Variants in SEMA3D observed in about 807,000 individuals in gnomAD.
The protein encoded by SEMA3D is semaphorin 3D.
In SEMA3D, 84 loss-of-function variants were observed where a neutral mutation model predicts 100.1. That is an observed-to-expected ratio of 0.84 (90% CI 0.70 to 1.01). The LOEUF (loss-of-function observed/expected upper bound fraction) is 1.01, where lower values mean the gene tolerates loss of function less well. SEMA3D is among the 50% of genes least tolerant of loss of function. The pLI, the probability that SEMA3D is intolerant of heterozygous loss-of-function variation, is 0.00. For missense variants in SEMA3D, 875 were observed against 934.1 expected (o/e 0.94, Z 0.82); for synonymous variants, 312 against 320.7 (o/e 0.97, Z 0.29).
intron 9 of SEMA3D, among the ~76,000 whole-genome samples, chr7:85,049,949 T>G (rs1270533961): frequency 6.6e-6 from 1 of 151,782 alleles, no homozygotes; most frequent in Non-Finnish European, 1.5e-5. Flanking sequence ...TGGGCAGCTC[T>G]TCCAAAAATG....
At chr7:85,030,683 C>T (rs573172916) in intron 12 of SEMA3D, among the ~76,000 whole-genome samples, 13 of 152,064 alleles carry the variant, frequency 8.5e-5, no homozygotes, top group Non-Finnish European at 1.8e-4. Flanking sequence ...TACACTTATG[C>T]ATAAATCTTA....
chr7:85,068,094 A>G, intron 7 of SEMA3D, 97 bp downstream of exon 7: 1 of 735,608 alleles, frequency 1.4e-6, no homozygotes. Flanking sequence ...AAGATTAGTA[A>G]AAAATTACCT....
chr7:85,140,246 T>C, intron 2 of SEMA3D: 2 of 809,486 alleles, frequency 2.5e-6, no homozygotes, highest in Non-Finnish European at 1.5e-6. Flanking sequence ...TAATAATTCA[T>C]TTATTAAATA....
At chr7:85,132,624 C>T (rs141502565) in intron 2 of SEMA3D, among the ~76,000 whole-genome samples, 19 of 151,858 alleles carry the variant, frequency 1.3e-4, no homozygotes, top group East Asian at 3.9e-4. Context: ...CTAGCATGAA[C>T]ATTACTGTCC....
At chr7:85,031,654 T>C (rs1348121661) in intron 12 of SEMA3D, among the ~76,000 whole-genome samples, 1 of 151,944 alleles carries the variant, frequency 6.6e-6, no homozygotes, top group Non-Finnish European at 1.5e-5. Flanking sequence ...TGTGAGAGCA[T>C]GAACATATGT....
chr7:85,101,574 G>T (rs190942543), intron 3 of SEMA3D, among the ~76,000 whole-genome samples: 1 of 151,934 alleles, frequency 6.6e-6, no homozygotes, highest in Non-Finnish European at 1.5e-5. Context: ...AGCCATGTTG[G>T]TGTGAGGAAT....
Position 85,003,324 on chromosome 7 carries a change from A to G in SEMA3D, c.1909-3459T>C, listed in dbSNP as rs111526589. On this transcript the variant is annotated intron_variant, in intron 18 of 18. Coordinates refer to ENST00000284136, the MANE Select transcript of SEMA3D (RefSeq NM_001384900.1). ...ACTTACTAAAGGGGATGCTGGAGCA[A>G]TGAGCTCGTTATTAAAAAGAAAAAA... Among the ~76,000 whole-genome samples the G allele has an allele frequency of 7.4e-3, 1,134 of 152,224 alleles. 12 individuals carry two copies. The highest frequency in any genetic ancestry group is 0.026 in the African/African-American group (1,079 of 41,586).
At chr7:85,008,135 G>C (rs1359164144) in intron 17 of SEMA3D, among the ~76,000 whole-genome samples, 4 of 151,706 alleles carry the variant, frequency 2.6e-5, no homozygotes, top group Non-Finnish European at 4.4e-5. Flanking sequence ...TGCCAGTCAT[G>C]GAAAAGAAAG....
chr7:85,033,024 A>C (rs1790588079), intron 12 of SEMA3D, among the ~76,000 whole-genome samples: 1 of 152,118 alleles, frequency 6.6e-6, no homozygotes, highest in Admixed American at 6.6e-5. Flanking sequence ...AAATTGTATG[A>C]TAAATATTAA....
chr7:85,223,005 T>C, the SEMA3D span, among the ~76,000 whole-genome samples: 1 of 151,986 alleles, frequency 6.6e-6, no homozygotes, highest in Non-Finnish European at 1.5e-5. Context: ...CATGAATAGA[T>C]GATTCCCAAA....
intron 2 of SEMA3D, among the ~76,000 whole-genome samples, chr7:85,150,113 T>C (rs2116487268): frequency 6.6e-6 from 1 of 152,058 alleles, no homozygotes; most frequent in South Asian, 2.1e-4. Context: ...TAGTAAGTAA[T>C]TCATATGTAA....
intron 18 of SEMA3D, among the ~76,000 whole-genome samples, chr7:85,004,401 A>C (rs966549524): frequency 5.3e-5 from 8 of 152,120 alleles, no homozygotes; most frequent in African/African-American, 1.7e-4. Flanking sequence ...CACAGAGAAA[A>C]TATAGTATGG....
At chr7:85,170,958 A>G (rs962009036) in intron 1 of SEMA3D, among the ~76,000 whole-genome samples, 1 of 152,056 alleles carries the variant, frequency 6.6e-6, no homozygotes, top group African/African-American at 2.4e-5. Context: ...TACTCTCTTT[A>G]AAACTCATTG....
intron 6 of SEMA3D, among the ~76,000 whole-genome samples, chr7:85,070,635 G>A (rs146038302): frequency 1.3e-5 from 2 of 152,164 alleles, no homozygotes; most frequent in African/African-American, 4.8e-5. Context: ...CGCCAGACCA[G>A]CTAAAAACTC....
chr7:85,212,535 A>AC, the SEMA3D span, among the ~76,000 whole-genome samples: 1 of 151,970 alleles, frequency 6.6e-6, no homozygotes, highest in Non-Finnish European at 1.5e-5. Flanking sequence ...TTTGATATCG[A>AC]CTCAGATTAA....
At chr7:85,235,948 C>A in the SEMA3D span, among the ~76,000 whole-genome samples, 1 of 152,150 alleles carries the variant, frequency 6.6e-6, no homozygotes, top group South Asian at 2.1e-4. Flanking sequence ...AACAATTTCT[C>A]TTTATTAAAA....
chr7:85,225,050 TTA>T, the SEMA3D span, among the ~76,000 whole-genome samples: 232 of 77,024 alleles, frequency 3.0e-3, no homozygotes, highest in East Asian at 6.5e-3. Flanking sequence ...TGATTTTCTT[TTA>T]TATATATATA....
chr7:85,039,652 A>G (rs1790799246), intron 11 of SEMA3D, among the ~76,000 whole-genome samples: 1 of 152,210 alleles, frequency 6.6e-6, no homozygotes, highest in South Asian at 2.1e-4. Context: ...AGGAGTAGAA[A>G]ACATGAAATT....
chr7:85,001,206 T>C (rs1789645550), intron 18 of SEMA3D, among the ~76,000 whole-genome samples: 1 of 152,184 alleles, frequency 6.6e-6, no homozygotes, highest in Non-Finnish European at 1.5e-5. Flanking sequence ...AGGTCACAGC[T>C]CAGATCCCTG....
Sources: gnomAD v4.1 joint callset for allele counts (sites outside exome capture counted in the v4.1 genomes callset) on GRCh38, gnomAD v4.1.1 for gene constraint, MANE v1.5 for transcripts, NCBI Gene and HGNC (gene_info 2026-07-23, HGNC 2026-07-21) for gene names.